LRCH1: variants seen among roughly 807,000 people sequenced by gnomAD.
The protein encoded by LRCH1 is leucine rich repeats and calponin homology domain containing 1, also known as leucine-rich repeat and calponin homology domain-containing protein 1.
LRCH1 carries 23 observed loss-of-function variants against 94.9 expected under a neutral mutation model. The ratio of observed to expected loss-of-function variants is 0.24; its 90% CI spans 0.17 to 0.34. LRCH1 has a LOEUF of 0.34. Among genes scored for constraint, LRCH1 ranks in the 10% least tolerant of loss-of-function variants. The pLI, the probability that LRCH1 is intolerant of heterozygous loss-of-function variation, is 1.00. For missense variants in LRCH1, 790 were observed against 945.9 expected (o/e 0.84, Z 2.16); for synonymous variants, 364 against 354.9 (o/e 1.03, Z -0.29).
chr13:46,741,528 T>TACTA, intron 19 of LRCH1, 114 bp from the exon 20 acceptor site: 1 of 1,201,696 alleles, frequency 8.3e-7, no homozygotes, highest in Non-Finnish European at 1.2e-6. Context: ...AATAAGGGGT[T>TACTA]ACTCCTGCCA....
chr13:46,583,515 A>G (rs754229320), intron 1 of LRCH1, among the ~76,000 whole-genome samples: 38 of 152,362 alleles, frequency 2.5e-4, no homozygotes, highest in Non-Finnish European at 1.0e-4. Context: ...CTCTGTGAAC[A>G]TATGGCTCCA....
chr13:46,739,665 T>C (rs1873553511), intron 19 of LRCH1, among the ~76,000 whole-genome samples: 1 of 152,156 alleles, frequency 6.6e-6, no homozygotes, highest in Non-Finnish European at 1.5e-5. Flanking sequence ...CCACAGCAGC[T>C]CACACTCCAC....
chr13:46,626,584 G>A (rs1411240782), intron 1 of LRCH1, among the ~76,000 whole-genome samples: 1 of 152,170 alleles, frequency 6.6e-6, no homozygotes, highest in East Asian at 1.9e-4. Flanking sequence ...AAGAACTAAT[G>A]ATAATCCACC....
intron 1 of LRCH1, among the ~76,000 whole-genome samples, chr13:46,597,808 T>TC (rs904868363): frequency 2.0e-5 from 3 of 151,230 alleles, no homozygotes; most frequent in Non-Finnish European, 4.4e-5. Context: ...ATAAGCCATT[T>TC]TTTTTTTAAA....
At chr13:46,748,828 G>A (rs1874012392), downstream of LRCH1, among the ~76,000 whole-genome samples, 2 of 152,096 alleles carry the variant, frequency 1.3e-5, no homozygotes, top group Admixed American at 1.3e-4. Context: ...GTTGACAGGG[G>A]GCCATCTCTT....
intron 19 of LRCH1, among the ~76,000 whole-genome samples, chr13:46,736,828 T>A (rs1261871728): frequency 6.6e-6 from 1 of 152,222 alleles, no homozygotes; most frequent in East Asian, 1.9e-4. Flanking sequence ...CAATGATAAA[T>A]CATCCTGTAG....
At position 46,711,121 on chromosome 13, in the gene LRCH1, A is replaced by T. The variant is rs548043416; in HGVS notation, c.1528-670A>T. Among the ~76,000 whole-genome samples the T allele has an allele frequency of 4.6e-5, 7 of 152,192 alleles. No individual in the cohort carries two copies. In the South Asian group the frequency reaches 1.5e-3, roughly 32 times the overall value. On this transcript the variant is annotated intron_variant, in intron 13 of 19. Transcript: ENST00000389797. ...ATGCCCCACAAATTTCTCTTTCTCT[A>T]CATAGCTAAACTGATACTATCAACT... is the stretch of plus-strand genomic sequence containing the variant.
intron 17 of LRCH1, among the ~76,000 whole-genome samples, chr13:46,727,901 A>ATTTCTTTC (rs71077919): frequency 0.17 from 24,860 of 148,208 alleles, 2,509 homozygotes; most frequent in East Asian, 0.42. Flanking sequence ...AGAGAAAAAC[A>ATTTCTTTC]TTTCTTTCTT....
At chr13:46,689,301 A>C (rs915035820) in intron 7 of LRCH1, 105 bp downstream of exon 7, 1 of 773,002 alleles carries the variant, frequency 1.3e-6, no homozygotes, top group Non-Finnish European at 2.1e-6. Context: ...TTGTATATTC[A>C]TGTGATATTC....
intron 3 of LRCH1, among the ~76,000 whole-genome samples, chr13:46,672,364 G>A (rs755066308): frequency 2.0e-4 from 30 of 151,272 alleles, no homozygotes; most frequent in African/African-American, 5.6e-4. Context: ...TTGAGGTCCC[G>A]TGCAGATGGG....
chr13:46,732,542 A>T (rs1195587005), intron 18 of LRCH1, among the ~76,000 whole-genome samples: 1 of 152,144 alleles, frequency 6.6e-6, no homozygotes, highest in Non-Finnish European at 1.5e-5. Flanking sequence ...TTTGGGGCTG[A>T]CCTAAGTATT....
chr13:46,669,009 C>A, intron 2 of LRCH1, 21 bp from the exon 3 acceptor site: 1 of 1,613,200 alleles, frequency 6.2e-7, no homozygotes, highest in East Asian at 2.2e-5. Flanking sequence ...TACATGTGTT[C>A]TTGTTGTATT....
At chr13:46,641,982 G>C (rs2051163308) in intron 1 of LRCH1, among the ~76,000 whole-genome samples, 1 of 152,182 alleles carries the variant, frequency 6.6e-6, no homozygotes, top group Non-Finnish European at 1.5e-5. Flanking sequence ...CGTGGTTCTG[G>C]GGTTCCGGTT....
At position 46,733,921 on chromosome 13, in the gene LRCH1, C is replaced by A; in HGVS notation, c.2008C>A (p.Pro670Thr). ...TATTTCCGTATATTTGCATTTATAG[C>A]CCAAACTTAGCATGGCCAAATGCAG... ...ASIHVPSPAV[P>T]KLSMAKCRRN... The change falls in exon 19 of 20, where the codon CCC becomes ACC. Residue 670 changes from proline to threonine, a missense_variant and splice_region_variant. Pro to Thr is a conservative substitution (Grantham distance 38, BLOSUM62 -1). Coordinates refer to ENST00000389797, the MANE Select transcript of LRCH1 (RefSeq NM_001164211.2). The A allele has an allele frequency of 1.3e-6, 2 of 1,586,294 alleles. No individual in the cohort carries two copies. Among genetic ancestry groups the A allele is most frequent in the South Asian group, 1.2e-5 (1 of 86,042 alleles).
intron 1 of LRCH1, among the ~76,000 whole-genome samples, chr13:46,637,881 C>T (rs753793574): frequency 6.6e-6 from 1 of 152,302 alleles, no homozygotes; most frequent in Non-Finnish European, 1.5e-5. Flanking sequence ...CTATTTCTGG[C>T]GCATAGTAGG....
intron 7 of LRCH1, among the ~76,000 whole-genome samples, chr13:46,691,346 T>C (rs546193991): frequency 5.3e-5 from 8 of 152,354 alleles, no homozygotes; most frequent in Admixed American, 1.3e-4. Flanking sequence ...GCCGAAGCTT[T>C]CTTCCAAAAA....
chr13:46,603,117 C>T (rs1390257310), intron 1 of LRCH1, among the ~76,000 whole-genome samples: 1 of 152,052 alleles, frequency 6.6e-6, no homozygotes, highest in Non-Finnish European at 1.5e-5. Context: ...CTTGTGCTTT[C>T]TATGATCTAG....
chr13:46,749,972 TGAAAG>T (rs562775827), intron 18 of LRCH1, among the ~76,000 whole-genome samples: 22 of 152,164 alleles, frequency 1.4e-4, no homozygotes, highest in Non-Finnish European at 2.9e-4. Context: ...GAAAGAGTCT[TGAAAG>T]GGAGGCTATT....
At chr13:46,729,221 T>C (rs1872981046) in intron 18 of LRCH1, among the ~76,000 whole-genome samples, 1 of 152,060 alleles carries the variant, frequency 6.6e-6, no homozygotes, top group Non-Finnish European at 1.5e-5. Flanking sequence ...ATAATTTTAT[T>C]TCAATATCAA....
Sources: allele counts gnomAD v4.1 joint callset (sites outside exome capture counted in the v4.1 genomes callset), GRCh38; gene constraint gnomAD v4.1.1; transcripts MANE v1.5; gene names NCBI Gene and HGNC (gene_info 2026-07-23, HGNC 2026-07-21).